The following LRRC36 variants were observed in gnomAD, a reference collection of about 807,000 sequenced individuals.
LRRC36 encodes leucine-rich repeat-containing protein 36.
Under a neutral mutation model 81.1 loss-of-function variants are expected in LRRC36, and 62 were observed. That is an observed-to-expected ratio of 0.76 (90% CI 0.62 to 0.94). The LOEUF (loss-of-function observed/expected upper bound fraction) is 0.94. Ranked by LOEUF, LRRC36 falls within the 40% of genes least tolerant of loss-of-function variation. The pLI is 0.00. For missense variants in LRRC36, 761 were observed against 881.7 expected, an observed-to-expected ratio of 0.86 and a Z score of 1.73; for synonymous variants, 334 against 348.6, an observed-to-expected ratio of 0.96 and a Z score of 0.47.
Position 67,385,003 on chromosome 16 carries a change from T to C in LRRC36, c.2179T>C (p.Leu727=), listed in dbSNP as rs766150117. 3 of 1,614,194 alleles carry C rather than the reference T, an allele frequency of 1.9e-6. No homozygotes were observed. Among genetic ancestry groups the C allele is most frequent in the Non-Finnish European group, 2.5e-6 (3 of 1,180,022 alleles). ...GRSSPFGKST[L]SSSSPVAHET... is the part of the protein sequence containing the mutation. The stretch of plus-strand genomic sequence containing the variant: ...ATCATCGCCCTTTGGGAAAAGCACG[T>C]TGTCTTCCTCCTCACCAGTGGCACA... Residue 727 remains leucine (L), a synonymous_variant, in exon 14 of 14, where the codon TTG becomes CTG. Coordinates refer to ENST00000329956, the MANE Select transcript of LRRC36 (RefSeq NM_018296.6).
rs776438111 is a variant in LRRC36 at position 67,346,365 on chromosome 16, A to G, written c.308A>G (p.Asp103Gly). The change falls in exon 3 of 14, where the codon GAT becomes GGT. Residue 103 changes from aspartate to glycine, a missense_variant. Coordinates refer to ENST00000329956, the MANE Select transcript of LRRC36 (RefSeq NM_018296.6). ...CCGTTACCCTTCCTCAAAGAACTGG[A>G]TTTGAGACTTAATCCTGTTGTAAGG... ...LQPLPFLKEL[D>G]LRLNPVVRKD... The G allele has an allele frequency of 1.9e-6, 3 of 1,612,500 alleles. No individual in the cohort carries two copies. The East Asian group carries it at 6.7e-5, about 36-fold the overall frequency.
Position 67,371,021 on chromosome 16 carries a change from G to A in LRRC36, c.1273G>A (p.Asp425Asn). The A allele has an allele frequency of 6.2e-7, 1 of 1,614,148 alleles. No homozygotes were observed. Among genetic ancestry groups the A allele is most frequent in the South Asian group, 1.1e-5 (1 of 91,078 alleles). ...AGAGCAACAATTATCTACCAGCCTG[G>A]ATGATTTAACACCAGCACATGGTTC... ...NVEQQLSTSL[D>N]DLTPAHGSVP... Residue 425 changes from aspartate to asparagine, a missense_variant, in exon 9 of 14, where the codon GAT becomes AAT. Physicochemically the swap from Asp to Asn is conservative, Grantham distance 23. Coordinates refer to ENST00000329956, the MANE Select transcript of LRRC36 (RefSeq NM_018296.6).
At chr16:67,348,411 A>G (rs751708406) in intron 4 of LRRC36, 1 of 152,198 alleles carries the variant, frequency 6.6e-6, no homozygotes, top group Admixed American at 6.5e-5. Context: ...TAAGTAATTC[A>G]TAATCCTACC....
chr16:67,349,649 A>G (rs1347933252), intron 4 of LRRC36, among the ~76,000 whole-genome samples: 1 of 152,212 alleles, frequency 6.6e-6, no homozygotes, highest in Admixed American at 6.5e-5. Flanking sequence ...TCTAAGTTCT[A>G]AATCTTCTGG....
intron 12 of LRRC36, 88 bp downstream of exon 12, chr16:67,378,800 G>C (rs1241266090): frequency 1.4e-6 from 2 of 1,442,044 alleles, no homozygotes; most frequent in Non-Finnish European, 1.9e-6. Flanking sequence ...CATCATGCTA[G>C]CTCACGTGGC....
intron 8 of LRRC36, 143 bp from the exon 9 acceptor site, chr16:67,370,801 A>G (rs2039603104): frequency 3.0e-6 from 2 of 673,298 alleles, no homozygotes; most frequent in South Asian, 3.7e-5. Flanking sequence ...AGATTTAACC[A>G]GAGTTGGAGT....
Position 67,347,567 on chromosome 16 carries a change from A to T in LRRC36, c.464A>T (p.Asn155Ile), listed in dbSNP as rs748781591. The part of the protein sequence containing the change: ...LHFSQLGNSE[N>I]FLLEVEKSSR... ...TTTAGTCAGTTGGGCAACAGTGAAA[A>T]TTTTCTTTTAGAGGTGGAAAAAAGG... The change falls in exon 4 of 14, where the codon AAT becomes ATT. Residue 155 changes from asparagine to isoleucine, a missense_variant. Transcript: ENST00000329956. 4 of 1,612,340 alleles carry T rather than the reference A, an allele frequency of 2.5e-6. No individual in the cohort carries two copies. Among genetic ancestry groups the T allele is most frequent in the Non-Finnish European group, 3.4e-6 (4 of 1,178,818 alleles).
rs1198571694 is a variant in LRRC36 at position 67,347,495 on chromosome 16, A to G, written c.392A>G (p.Asp131Gly). Residue 131 changes from aspartate (D) to glycine (G), a missense_variant and splice_region_variant, in exon 4 of 14, where the codon GAT becomes GGT. Physicochemically the swap from Asp to Gly is moderately conservative, Grantham distance 94. Coordinates refer to ENST00000329956, the MANE Select transcript of LRRC36 (RefSeq NM_018296.6). ...VYTLQTLEKL[D>G]DRTVREGERK... is the part of the protein sequence containing the mutation. Reference sequence around the variant, plus strand: ...CTCAGACCACGGTTTTTGCCTCCAGATGACCGAACTGTACGTGAAGGTGAG... The same window carrying G: ...CTCAGACCACGGTTTTTGCCTCCAGGTGACCGAACTGTACGTGAAGGTGAG... 6.2e-7 allele frequency: 1 copy of G among 1,613,084 alleles called. No homozygotes were observed. The highest frequency in any genetic ancestry group is 8.5e-7 in the Non-Finnish European group (1 of 1,179,214).
chr16:67,336,670 G>A (rs2037777772), intron 1 of LRRC36: 2 of 151,032 alleles, frequency 1.3e-5, no homozygotes, highest in Admixed American at 6.6e-5. Context: ...TGCCCAGGCT[G>A]GACTTGAACT....
intron 6 of LRRC36, 114 bp from the exon 7 acceptor site, chr16:67,365,190 T>A: frequency 1.6e-6 from 1 of 641,972 alleles, no homozygotes; most frequent in Non-Finnish European, 2.8e-6. Context: ...TTTCCCTAGC[T>A]TGCAAGGATA....
intron 12 of LRRC36, among the ~76,000 whole-genome samples, 154 bp from the exon 13 acceptor site, chr16:67,381,979 C>T (rs2040127636): frequency 6.6e-6 from 1 of 152,212 alleles, no homozygotes; most frequent in South Asian, 2.1e-4. Context: ...GTATTCTTGC[C>T]ACCATATCTC....
chr16:67,346,118 G>C (rs1489263945), intron 2 of LRRC36, 138 bp from the exon 3 acceptor site: 1 of 541,620 alleles, frequency 1.8e-6, no homozygotes. Context: ...AGTTAAGTGA[G>C]AGTTCCAGCC....
chr16:67,381,950 A>C (rs897892956), intron 12 of LRRC36, among the ~76,000 whole-genome samples, 183 bp from the exon 13 acceptor site: 38 of 152,158 alleles, frequency 2.5e-4, no homozygotes, highest in African/African-American at 9.2e-4. Context: ...ATTTTAACTC[A>C]TATCTGTTGC....
chr16:67,333,804 A>C (rs763318875), intron 1 of LRRC36, among the ~76,000 whole-genome samples: 1 of 152,160 alleles, frequency 6.6e-6, no homozygotes, highest in Non-Finnish European at 1.5e-5. Flanking sequence ...TTGGGCATAA[A>C]GTACAGAGAG....
intron 12 of LRRC36, among the ~76,000 whole-genome samples, chr16:67,381,722 C>T (rs1359728441): frequency 2.0e-5 from 3 of 152,140 alleles, no homozygotes; most frequent in Non-Finnish European, 2.9e-5. Context: ...TGGGTTCAAG[C>T]GATTCTCTGC....
intron 5 of LRRC36, among the ~76,000 whole-genome samples, chr16:67,351,336 T>G (rs2038621410): frequency 6.6e-6 from 1 of 152,220 alleles, no homozygotes; most frequent in Admixed American, 6.5e-5. Context: ...TTAAGCATTT[T>G]CGGTTTATAA....
At chr16:67,356,671 C>T (rs2038917172) in intron 5 of LRRC36, among the ~76,000 whole-genome samples, 3 of 152,162 alleles carry the variant, frequency 2.0e-5, no homozygotes, top group Admixed American at 6.5e-5. Flanking sequence ...AGTCAGGCTT[C>T]ACTGTGAGAC....
At chr16:67,373,292 T>C (rs2039738300) in intron 9 of LRRC36, among the ~76,000 whole-genome samples, 3 of 152,242 alleles carry the variant, frequency 2.0e-5, no homozygotes, top group Admixed American at 2.0e-4. Context: ...ATTATTTTTC[T>C]CTTTATGGAA....
Position 67,350,347 on chromosome 16 carries a change from A to G in LRRC36, c.577+57A>G, listed in dbSNP as rs1432389018. On this transcript the variant is annotated intron_variant, in intron 5 of 13. Transcript: ENST00000329956. ...TAAAACATCAGTTATCTCAGCTGCC[A>G]TAGCCAATATTGGGTAAGATGAAGA... 4.4e-6 allele frequency: 6 copies of G among 1,350,952 alleles called. No individual in the cohort carries two copies. The African/African-American group carries it at 5.8e-5, about 13-fold the overall frequency. The allele number at this position is 1,350,952 out of a possible 1,614,324, so 83.7% of individuals were successfully genotyped here. A position where few individuals can be genotyped will look rare whatever the true frequency, so the allele number is the denominator to read the frequency against.
Sources: allele counts gnomAD v4.1 joint callset (sites outside exome capture counted in the v4.1 genomes callset), GRCh38; gene constraint gnomAD v4.1.1; transcripts MANE v1.5; gene names NCBI Gene and HGNC (gene_info 2026-07-23, HGNC 2026-07-21).